TOMM20L: variants seen among roughly 807,000 people sequenced by gnomAD.
TOMM20L encodes TOMM20-like protein 1.
A neutral mutation model predicts 20.4 loss-of-function variants in TOMM20L; 19 were observed. The observed-to-expected ratio is 0.93, with a 90% CI of 0.65 to 1.36. TOMM20L has a LOEUF of 1.36. Ranked by LOEUF, TOMM20L falls within the 40% of genes most tolerant of loss-of-function variation. The probability of loss-of-function intolerance (pLI) is 0.00; values close to 1 mark genes in which losing one functional copy is unlikely to be tolerated. For missense variants in TOMM20L, 218 were observed against 203.7 expected, an observed-to-expected ratio of 1.07 and a Z score of -0.43; for synonymous variants, 75 against 79.6, an observed-to-expected ratio of 0.94 and a Z score of 0.30.
At chr14:58,404,120 T>TATATATATATATATATA (rs1255379682) in intron 3 of TOMM20L, among the ~76,000 whole-genome samples, 12 of 3,390 alleles carry the variant, frequency 3.5e-3, no homozygotes, top group South Asian at 0.015. Context: ...TATATATATA[T>TATATATATATATATATA]TTTTTTTTTT....
At chr14:58,408,775 A>G, downstream of TOMM20L, 1 of 694,464 alleles carries the variant, frequency 1.4e-6, no homozygotes, top group Non-Finnish European at 2.3e-6. Context: ...TTTTCTAATC[A>G]AGTGACCAAG....
chr14:58,404,121 T>A (rs10134032), intron 3 of TOMM20L, among the ~76,000 whole-genome samples: 64 of 2,496 alleles, frequency 0.026, no homozygotes, highest in South Asian at 0.083. Context: ...ATATATATAT[T>A]TTTTTTTTTT....
In TOMM20L at chr14:58,404,416, A is replaced by T. The variant is rs1037808743; in HGVS notation, c.262+1655A>T. On this transcript the variant is annotated intron_variant, in intron 3 of 4. Transcript: ENST00000360945. ...AGTGCTGGGATTACAGGCGTGAGCCACCGCGCCCGGCCATATATTTTTTAA... is the reference window on the plus strand; with the variant it reads ...AGTGCTGGGATTACAGGCGTGAGCCTCCGCGCCCGGCCATATATTTTTTAA... 2.0e-5 allele frequency among the ~76,000 whole-genome samples: 3 copies of T among 150,850 alleles called. No individual in the cohort carries two copies. The Admixed American group carries it at 2.0e-4, about 10-fold the overall frequency.
chr14:58,399,892 A>ATATATG (rs923612303), intron 2 of TOMM20L, among the ~76,000 whole-genome samples: 1 of 115,190 alleles, frequency 8.7e-6, no homozygotes, highest in African/African-American at 3.2e-5. Context: ...TTGCATATAT[A>ATATATG]TATATATATA....
chr14:58,400,818 C>T (rs1276296321), intron 2 of TOMM20L, among the ~76,000 whole-genome samples: 1 of 152,104 alleles, frequency 6.6e-6, no homozygotes, highest in Non-Finnish European at 1.5e-5. Context: ...GCAGAGGTTG[C>T]AGTGAGTCAA....
chr14:58,401,773 T>A (rs946917577), intron 2 of TOMM20L, among the ~76,000 whole-genome samples: 10 of 152,182 alleles, frequency 6.6e-5, no homozygotes, highest in Non-Finnish European at 2.9e-5. Flanking sequence ...TGATGCCATC[T>A]TGTGGCCATG....
chr14:58,397,716 G>A (rs1234621556), intron 2 of TOMM20L, among the ~76,000 whole-genome samples: 1 of 152,152 alleles, frequency 6.6e-6, no homozygotes, highest in East Asian at 1.9e-4. Context: ...AGCGAAAGTA[G>A]GATTGAATTA....
At chr14:58,415,576 C>T in the TOMM20L span, among the ~76,000 whole-genome samples, 1 of 152,160 alleles carries the variant, frequency 6.6e-6, no homozygotes, top group African/African-American at 2.4e-5. Flanking sequence ...AAAATAAACT[C>T]AATGAATAAA....
At chr14:58,404,847 G>T (rs1162082602) in intron 3 of TOMM20L, among the ~76,000 whole-genome samples, 1 of 152,068 alleles carries the variant, frequency 6.6e-6, no homozygotes, top group Non-Finnish European at 1.5e-5. Context: ...GCTAAATATT[G>T]ATGACAAAAT....
intron 2 of TOMM20L, among the ~76,000 whole-genome samples, chr14:58,400,067 C>T (rs543725488): frequency 3.3e-4 from 50 of 151,706 alleles, no homozygotes; most frequent in Admixed American, 9.2e-4. Context: ...TAAATGGCAG[C>T]TCTGAATATG....
At chr14:58,410,888 C>A, downstream of TOMM20L, 1 of 1,612,960 alleles carries the variant, frequency 6.2e-7, no homozygotes, top group South Asian at 1.1e-5. Context: ...TAACACAGTC[C>A]AAAAAGCAGG....
At chr14:58,396,710 C>T (rs1195571038) in intron 2 of TOMM20L, among the ~76,000 whole-genome samples, 2 of 152,242 alleles carry the variant, frequency 1.3e-5, no homozygotes, top group African/African-American at 2.4e-5. Flanking sequence ...ATTGTTCTCC[C>T]GCAGGGCCTT....
rs869260438 is a variant in TOMM20L, at chr14:58,399,885, C to CATATATATATATAT, written c.181-2764_181-2751dup. Among the ~76,000 whole-genome samples, 7 of 37,314 alleles carry CATATATATATATAT rather than the reference C, an allele frequency of 1.9e-4. 1 individual carries two copies. The highest frequency in any genetic ancestry group is 1.0e-3 in the East Asian group (1 of 966). The allele number at this position is 37,314 out of a possible 152,430, so 24.5% of individuals were successfully genotyped here. A position where few individuals can be genotyped will look rare whatever the true frequency, so the allele number is the denominator to read the frequency against. On this transcript the variant is annotated intron_variant, in intron 2 of 4. Transcript: ENST00000360945. ...ATTCTTATTTTCAAATGCTCTATTG[C>CATATATATATATAT]ATATATATATATATATATATATATA...
At chr14:58,399,898 A>ATTCAG (rs2035971397) in intron 2 of TOMM20L, among the ~76,000 whole-genome samples, 1 of 126,438 alleles carries the variant, frequency 7.9e-6, no homozygotes, top group Non-Finnish European at 1.7e-5. Flanking sequence ...ATATATATAT[A>ATTCAG]TATATATATA....
chr14:58,409,970 ATCC>A (rs1343997981), downstream of TOMM20L, among the ~76,000 whole-genome samples: 1 of 151,894 alleles, frequency 6.6e-6, no homozygotes, highest in East Asian at 1.9e-4. Context: ...GGCTTAAGTG[ATCC>A]TCCTACCTCA....
the TOMM20L span, among the ~76,000 whole-genome samples, chr14:58,415,996 G>A: frequency 6.0e-5 from 9 of 150,716 alleles, no homozygotes; most frequent in Non-Finnish European, 7.4e-5. Flanking sequence ...CGGGTGGGTC[G>A]ATTGAGGTCA....
Position 58,402,719 on chromosome 14 carries a change from T to C in TOMM20L, c.220T>C (p.Phe74Leu), listed in dbSNP as rs2036006943. The part of the protein sequence containing the change: ...PTKNKKLQEL[F>L]LQEVRMGELW... The stretch of plus-strand genomic sequence containing the variant: ...GAAGAATAAAAAGTTGCAAGAACTT[T>C]TCTTGCAAGAGGTACGGATGGGAGA... Residue 74 changes from phenylalanine to leucine, a missense_variant, in exon 3 of 5, where the codon TTC becomes CTC. Coordinates refer to ENST00000360945, the MANE Select transcript of TOMM20L (RefSeq NM_207377.3). 1 of 1,613,970 alleles carries C rather than the reference T, an allele frequency of 6.2e-7. No homozygotes were observed. The highest frequency in any genetic ancestry group is 8.5e-7 in the Non-Finnish European group (1 of 1,179,884).
downstream of TOMM20L, chr14:58,408,924 G>T: frequency 1.4e-6 from 2 of 1,465,064 alleles, no homozygotes; most frequent in South Asian, 1.4e-5. Context: ...CATGACAGAT[G>T]GTTGAACATG....
intron 3 of TOMM20L, among the ~76,000 whole-genome samples, 178 bp downstream of exon 3, chr14:58,402,939 T>G (rs896899064): frequency 3.3e-5 from 5 of 152,256 alleles, no homozygotes; most frequent in Non-Finnish European, 7.3e-5. Context: ...TGTTAGCATT[T>G]AGTGCTCAAG....
Sources: gnomAD v4.1 joint callset for allele counts (sites outside exome capture counted in the v4.1 genomes callset) on GRCh38, gnomAD v4.1.1 for gene constraint, MANE v1.5 for transcripts, NCBI Gene and HGNC (gene_info 2026-07-23, HGNC 2026-07-21) for gene names.